EHMT1: variants seen among roughly 807,000 people sequenced by gnomAD.
EHMT1 encodes the protein histone-lysine N-methyltransferase EHMT1.
A neutral mutation model predicts 147.2 loss-of-function variants in EHMT1; 15 were observed. The observed-to-expected ratio is 0.10, with a 90% CI of 0.07 to 0.16. EHMT1 has a LOEUF of 0.16. EHMT1 is among the 10% of genes least tolerant of loss of function. The pLI, the probability that EHMT1 is intolerant of heterozygous loss-of-function variation, is 1.00. For missense variants in EHMT1, 1,587 were observed against 1,772.4 expected, an observed-to-expected ratio of 0.90 and a Z score of 1.88; for synonymous variants, 795 against 709.6, an observed-to-expected ratio of 1.12 and a Z score of -1.91.
At chr9:137,772,078 A>G (rs1360458235) in intron 10 of EHMT1, among the ~76,000 whole-genome samples, 1 of 152,100 alleles carries the variant, frequency 6.6e-6, no homozygotes, top group East Asian at 1.9e-4. Flanking sequence ...TTGCGCTGAG[A>G]AAGTGCTACC....
intron 1 of EHMT1, among the ~76,000 whole-genome samples, chr9:137,702,383 C>G (rs1361951195): frequency 2.0e-5 from 3 of 152,184 alleles, no homozygotes. Context: ...TGGGTAAATG[C>G]TTCTGTTCCA....
intron 18 of EHMT1, among the ~76,000 whole-genome samples, chr9:137,810,376 G>A (rs1022232435): frequency 6.6e-6 from 1 of 152,254 alleles, no homozygotes; most frequent in Non-Finnish European, 1.5e-5. Context: ...GGGACAGGTG[G>A]GCATCAGGCT....
At chr9:137,793,695 A>T (rs1023227930) in intron 16 of EHMT1, among the ~76,000 whole-genome samples, 20 of 152,328 alleles carry the variant, frequency 1.3e-4, no homozygotes, top group African/African-American at 4.6e-4. Context: ...ATACGATGGG[A>T]TGTTACTCAG....
intron 2 of EHMT1, among the ~76,000 whole-genome samples, chr9:137,711,974 C>G (rs1236245096): frequency 6.6e-6 from 1 of 152,204 alleles, no homozygotes; most frequent in East Asian, 1.9e-4. Context: ...GATGGCCTCG[C>G]TGTGCCTGTG....
chr9:137,801,120 C>T (rs917237070), intron 18 of EHMT1, 136 bp downstream of exon 18: 12 of 774,846 alleles, frequency 1.5e-5, no homozygotes, highest in South Asian at 5.9e-5. Context: ...AGCATCGGCC[C>T]GGCACTGTGC....
At chr9:137,695,790 T>C (rs1406063878) in intron 1 of EHMT1, among the ~76,000 whole-genome samples, 2 of 152,262 alleles carry the variant, frequency 1.3e-5, no homozygotes, top group Non-Finnish European at 2.9e-5. Context: ...TTCAGCCACA[T>C]ACTTCAGGTC....
intron 16 of EHMT1, among the ~76,000 whole-genome samples, chr9:137,797,253 C>T (rs1014402150): frequency 2.6e-5 from 4 of 152,122 alleles, no homozygotes; most frequent in African/African-American, 9.7e-5. Context: ...CGACAGAAGC[C>T]TTTCCTTACC....
chr9:137,817,916 T>C (rs1955056347), intron 24 of EHMT1, 144 bp from the exon 25 acceptor site: 1 of 814,248 alleles, frequency 1.2e-6, no homozygotes, highest in Non-Finnish European at 2.1e-6. Flanking sequence ...AGTTCAACCC[T>C]GGGCACACCT....
At chr9:137,805,385 C>T (rs1953861696) in intron 18 of EHMT1, among the ~76,000 whole-genome samples, 1 of 151,982 alleles carries the variant, frequency 6.6e-6, no homozygotes, top group South Asian at 2.1e-4. Flanking sequence ...CATGTGTGAG[C>T]CAGTCGTCCA....
At chr9:137,797,743 CTA>C (rs1491397987) in intron 16 of EHMT1, among the ~76,000 whole-genome samples, 1 of 151,796 alleles carries the variant, frequency 6.6e-6, no homozygotes, top group East Asian at 1.9e-4. Flanking sequence ...CTGCGAAACT[CTA>C]TGACTGCTAC....
chr9:137,738,496 A>G (rs1009259646), intron 4 of EHMT1: 1 of 152,124 alleles, frequency 6.6e-6, no homozygotes, highest in Non-Finnish European at 1.5e-5. Context: ...AACTCAAAAA[A>G]CTAAGTGTGG....
chr9:137,752,463 C>T (rs1306361612), intron 7 of EHMT1, 55 bp downstream of exon 7: 2 of 1,580,258 alleles, frequency 1.3e-6, no homozygotes, highest in East Asian at 2.3e-5. Context: ...GATGCAAAGA[C>T]ACCAGCGTCC....
rs1048433075 is a variant in EHMT1 at position 137,782,713 on chromosome 9, C to T, written c.2382+316C>T. ...GGGGAGCCAAGCACTCGCAGAGGCA[C>T]GGACGCCCCTCCCCCAGCCCCGTTG... is the stretch of plus-strand genomic sequence containing the variant. On this transcript the variant is annotated intron_variant, in intron 15 of 26. Coordinates refer to ENST00000460843, the MANE Select transcript of EHMT1 (RefSeq NM_024757.5). The surrounding 1 kb of genome is among the most constrained non-coding windows in gnomAD (Gnocchi z 5.7). 1.3e-5 allele frequency among the ~76,000 whole-genome samples: 2 copies of T among 152,186 alleles called. No individual in the cohort carries two copies. The highest frequency in any genetic ancestry group is 4.8e-5 in the African/African-American group (2 of 41,436).
chr9:137,623,097 C>T (rs575903897), intron 1 of EHMT1, among the ~76,000 whole-genome samples: 1 of 151,304 alleles, frequency 6.6e-6, no homozygotes, highest in South Asian at 2.1e-4. Context: ...CCTGTAGTCC[C>T]AGCTACTCGG....
At position 137,801,215 on chromosome 9, in the gene EHMT1, G is replaced by A. The variant is rs117673621; in HGVS notation, c.2712+231G>A. On this transcript the variant is annotated intron_variant, in intron 18 of 26. Transcript: ENST00000460843. ...CTAGGGATCTGCGGGTTCAGAGGGC[G>A]CTGCACTGCCCTGGTCTCCCTCCTG... 0.01 allele frequency among the ~76,000 whole-genome samples: 1,581 copies of A among 152,298 alleles called. 30 individuals carry two copies. The highest frequency in any genetic ancestry group is 0.042 in the Admixed American group (642 of 15,304).
chr9:137,772,043 G>GA (rs529057996), intron 10 of EHMT1, among the ~76,000 whole-genome samples: 148 of 152,108 alleles, frequency 9.7e-4, no homozygotes, highest in Non-Finnish European at 1.8e-3. Flanking sequence ...GGGCCCTGCA[G>GA]AGCCTGTGGG....
At chr9:137,825,165 C>CA (rs974150461) in intron 25 of EHMT1, among the ~76,000 whole-genome samples, 2 of 152,208 alleles carry the variant, frequency 1.3e-5, no homozygotes, top group African/African-American at 4.8e-5. Flanking sequence ...TCTTGAAGGC[C>CA]AGCAGGAGAA....
chr9:137,704,124 AG>A (rs1175395703), intron 1 of EHMT1, among the ~76,000 whole-genome samples: 1 of 152,178 alleles, frequency 6.6e-6, no homozygotes, highest in East Asian at 1.9e-4. Context: ...GAAAACAGCA[AG>A]GGGGACATCT....
At chr9:137,788,739 G>A (rs1338824049) in intron 15 of EHMT1, 1 of 152,184 alleles carries the variant, frequency 6.6e-6, no homozygotes. Context: ...GAGTGCTCGC[G>A]AGCCTGGGAA....
Sources: gnomAD v4.1 joint callset for allele counts (sites outside exome capture counted in the v4.1 genomes callset) on GRCh38, gnomAD v4.1.1 for gene constraint, Gnocchi (gnomAD v3.1) non-coding constraint, MANE v1.5 for transcripts, NCBI Gene and HGNC (gene_info 2026-07-23, HGNC 2026-07-21) for gene names.